Variants in CPN1 observed in about 807,000 individuals in gnomAD.
CPN1 encodes carboxypeptidase N subunit 1, also known as carboxypeptidase N catalytic chain.
In CPN1, 37 loss-of-function variants were observed where a neutral mutation model predicts 46.4. The observed-to-expected ratio is 0.80, with a 90% CI of 0.61 to 1.05. The LOEUF is 1.05. Ranked by LOEUF, CPN1 falls within the 50% of genes least tolerant of loss-of-function variation. The pLI, the probability that CPN1 is intolerant of heterozygous loss-of-function variation, is 0.00. For missense variants in CPN1, 563 were observed against 602.6 expected (o/e 0.93, Z 0.69); for synonymous variants, 224 against 235.4 (o/e 0.95, Z 0.44).
chr10:100,065,477 A>G, intron 3 of CPN1, 107 bp from the exon 4 acceptor site: 1 of 1,198,302 alleles, frequency 8.3e-7, no homozygotes, highest in South Asian at 1.3e-5. Flanking sequence ...AAAATGTCTG[A>G]ATGAAACATT....
At chr10:100,042,691 G>T in intron 8 of CPN1, 118 bp from the exon 9 acceptor site, 1 of 1,292,894 alleles carries the variant, frequency 7.7e-7, no homozygotes, top group Non-Finnish European at 1.1e-6. Context: ...GAGAAGCACT[G>T]GTGGTGTCAT....
rs1162265750 is a variant in CPN1 at position 100,081,408 on chromosome 10, T to C, written c.218A>G (p.Glu73Gly). ...AAGAGCTGTTCAGAACTTACAGGGCTCGTGGATTCCAGGGTGGTCGCTGAA... is the reference window on the plus strand; with the variant it reads ...AAGAGCTGTTCAGAACTTACAGGGCCCGTGGATTCCAGGGTGGTCGCTGAA... ...LEFSDHPGIHEPLEPEVKYVG... is the reference protein window; with the variant it reads ...LEFSDHPGIHGPLEPEVKYVG... Residue 73 changes from glutamate (E) to glycine (G), a missense_variant, in exon 1 of 9, where the codon GAG becomes GGG. Physicochemically the swap from Glu to Gly is moderately conservative, Grantham distance 98. Transcript: ENST00000370418. 1.9e-6 allele frequency: 3 copies of C among 1,612,294 alleles called. No individual in the cohort carries two copies. Among genetic ancestry groups the C allele is most frequent in the Admixed American group, 1.7e-5 (1 of 59,970 alleles).
chr10:100,081,141 G>C (rs937247001), intron 1 of CPN1, among the ~76,000 whole-genome samples: 1 of 152,130 alleles, frequency 6.6e-6, no homozygotes, highest in African/African-American at 2.4e-5. Context: ...ACATGAGCAG[G>C]GAAGAAGACT....
intron 5 of CPN1, among the ~76,000 whole-genome samples, chr10:100,062,429 T>G (rs1464324453): frequency 1.3e-5 from 2 of 152,128 alleles, no homozygotes; most frequent in African/African-American, 4.8e-5. Flanking sequence ...TCAGGGGAAC[T>G]GGTTGTGCCC....
chr10:100,055,900 CAATG>C (rs2133432093), intron 6 of CPN1, among the ~76,000 whole-genome samples: 1 of 152,322 alleles, frequency 6.6e-6, no homozygotes, highest in South Asian at 2.1e-4. Flanking sequence ...AGTCATCCAC[CAATG>C]AACACTGGGT....
chr10:100,050,214 C>T (rs1345200093), intron 7 of CPN1, among the ~76,000 whole-genome samples: 1 of 152,072 alleles, frequency 6.6e-6, no homozygotes, highest in Non-Finnish European at 1.5e-5. Context: ...ATTAGCCAGG[C>T]GTGGTGGCAC....
rs1469999537 is a variant in CPN1 at position 100,065,344 on chromosome 10, G to C, written c.603C>G (p.Ile201Met). The C allele has an allele frequency of 6.2e-7, 1 of 1,614,194 alleles. No homozygotes were observed. The highest frequency in any genetic ancestry group is 8.5e-7 in the Non-Finnish European group (1 of 1,180,036). Reference protein sequence around the residue: ...SQVEPETRAVIRWMHSFNFVL... With the variant: ...SQVEPETRAVMRWMHSFNFVL... ...CAAAGTTGAAGGAGTGCATCCACCG[G>C]ATCACCGCCCGGGTCTCGGGTTCCA... Residue 201 changes from isoleucine to methionine, a missense_variant, in exon 4 of 9, where the codon ATC becomes ATG. By Grantham distance (10) the Ile-to-Met change is conservative. Transcript: ENST00000370418.
chr10:100,056,861 T>C (rs980357782), intron 6 of CPN1, 152 bp downstream of exon 6: 8 of 955,120 alleles, frequency 8.4e-6, no homozygotes, highest in Non-Finnish European at 1.1e-5. Flanking sequence ...TGCTCAATAA[T>C]GTTGAATGAA....
intron 7 of CPN1, among the ~76,000 whole-genome samples, chr10:100,050,548 C>T (rs772688236): frequency 3.3e-5 from 5 of 152,094 alleles, no homozygotes; most frequent in African/African-American, 7.2e-5. Context: ...AAAAAGCTGC[C>T]GGTGGTGTTA....
At chr10:100,060,324 G>A (rs979370836) in intron 5 of CPN1, among the ~76,000 whole-genome samples, 1 of 152,194 alleles carries the variant, frequency 6.6e-6, no homozygotes, top group South Asian at 2.1e-4. Context: ...CACTTTGGGA[G>A]GCTGAGGCGG....
intron 7 of CPN1, 115 bp downstream of exon 7, chr10:100,054,232 C>T: frequency 1.2e-6 from 1 of 811,384 alleles, no homozygotes; most frequent in Non-Finnish European, 2.2e-6. Flanking sequence ...CCCCCACTCC[C>T]AGCATCCTTG....
intron 1 of CPN1, among the ~76,000 whole-genome samples, chr10:100,080,718 C>A (rs1473022917): frequency 6.6e-6 from 1 of 151,994 alleles, no homozygotes; most frequent in Non-Finnish European, 1.5e-5. Flanking sequence ...CATGATGAAA[C>A]CCTGTCTCTA....
At chr10:100,062,055 A>C (rs1288404642) in intron 5 of CPN1, among the ~76,000 whole-genome samples, 1 of 152,034 alleles carries the variant, frequency 6.6e-6, no homozygotes, top group Non-Finnish European at 1.5e-5. Context: ...CTCCCAGTAC[A>C]TGGCAACTCC....
intron 2 of CPN1, 133 bp downstream of exon 2, chr10:100,075,778 C>T: frequency 3.0e-6 from 3 of 1,006,422 alleles, no homozygotes; most frequent in African/African-American, 3.2e-5. Context: ...TGGATTTTTT[C>T]TCTTGGCCAT....
chr10:100,068,435 G>A (rs1259975312), intron 3 of CPN1, among the ~76,000 whole-genome samples: 1 of 151,942 alleles, frequency 6.6e-6, no homozygotes, highest in Non-Finnish European at 1.5e-5. Flanking sequence ...GGATGGTCTC[G>A]ATCTCCTGAC....
At chr10:100,065,425 C>T in intron 3 of CPN1, 55 bp from the exon 4 acceptor site, 4 of 1,602,620 alleles carry the variant, frequency 2.5e-6, no homozygotes, top group East Asian at 2.2e-5. Flanking sequence ...ACCAAACAAA[C>T]GGCGGTTAGA....
chr10:100,057,189 A>G (rs1381484809), intron 5 of CPN1, 37 bp from the exon 6 acceptor site: 1 of 1,610,294 alleles, frequency 6.2e-7, no homozygotes, highest in Non-Finnish European at 8.5e-7. Context: ...TTCCATAACC[A>G]GGTTCCCACC....
At chr10:100,080,033 C>T (rs1483719238) in intron 1 of CPN1, among the ~76,000 whole-genome samples, 1 of 151,078 alleles carries the variant, frequency 6.6e-6, no homozygotes, top group Non-Finnish European at 1.5e-5. Context: ...TTTCAGTGAG[C>T]TGAGATTGCA....
intron 6 of CPN1, among the ~76,000 whole-genome samples, chr10:100,055,265 G>A (rs1308999096): frequency 2.0e-5 from 3 of 150,964 alleles, no homozygotes; most frequent in Admixed American, 6.6e-5. Flanking sequence ...AATGTTGTGC[G>A]ACCATCATCA....
Sources: gnomAD v4.1 joint callset for allele counts (sites outside exome capture counted in the v4.1 genomes callset) on GRCh38, gnomAD v4.1.1 for gene constraint, MANE v1.5 for transcripts, NCBI Gene and HGNC (gene_info 2026-07-23, HGNC 2026-07-21) for gene names.